The following PDGFC variants were observed in gnomAD, a reference collection of about 807,000 sequenced individuals.
PDGFC encodes platelet derived growth factor C.
A neutral mutation model predicts 35.5 loss-of-function variants in PDGFC; 12 were observed. That is an observed-to-expected ratio of 0.34 (90% confidence interval 0.22 to 0.55). PDGFC has a LOEUF of 0.55. PDGFC is among the 20% of genes least tolerant of loss of function. The pLI is 0.91. For missense variants in PDGFC, 322 were observed against 412.4 expected (o/e 0.78, Z 1.90); for synonymous variants, 159 against 148.8 (o/e 1.07, Z -0.50).
chr4:156,828,987 A>G (rs548581891), intron 2 of PDGFC, among the ~76,000 whole-genome samples: 1 of 152,324 alleles, frequency 6.6e-6, no homozygotes, highest in South Asian at 2.1e-4. Context: ...AAACTATTTA[A>G]TGGAAATTTA....
At chr4:156,927,692 C>T (rs1231722746) in intron 1 of PDGFC, among the ~76,000 whole-genome samples, 1 of 152,144 alleles carries the variant, frequency 6.6e-6, no homozygotes. Context: ...TCACTATCAG[C>T]ATTTTGGCCA....
At chr4:156,816,747 T>A (rs779997246) in intron 2 of PDGFC, among the ~76,000 whole-genome samples, 1 of 152,206 alleles carries the variant, frequency 6.6e-6, no homozygotes, top group Non-Finnish European at 1.5e-5. Context: ...TTGCTTATTA[T>A]ATTTAAAATA....
At chr4:156,929,915 C>T (rs1279681690) in intron 1 of PDGFC, among the ~76,000 whole-genome samples, 1 of 152,020 alleles carries the variant, frequency 6.6e-6, no homozygotes, top group Non-Finnish European at 1.5e-5. Context: ...GCTCAAAGGC[C>T]CACACAAGTA....
intron 2 of PDGFC, among the ~76,000 whole-genome samples, chr4:156,830,263 AC>A (rs1186940295): frequency 6.6e-6 from 1 of 151,608 alleles, no homozygotes; most frequent in African/African-American, 2.4e-5. Context: ...AAAAAAAAAA[AC>A]TTCATGTCCT....
intron 3 of PDGFC, among the ~76,000 whole-genome samples, chr4:156,804,401 G>A (rs547027571): frequency 6.6e-6 from 1 of 152,070 alleles, no homozygotes; most frequent in African/African-American, 2.4e-5. Flanking sequence ...TTTTTAATAT[G>A]CTCTTGAGAG....
intron 3 of PDGFC, among the ~76,000 whole-genome samples, chr4:156,773,247 C>A (rs553582994): frequency 6.6e-6 from 1 of 152,182 alleles, no homozygotes; most frequent in Non-Finnish European, 1.5e-5. Flanking sequence ...TTTTCATTTT[C>A]CTTAATCTGA....
chr4:156,809,217 T>G (rs561960515), intron 3 of PDGFC, among the ~76,000 whole-genome samples: 1 of 152,008 alleles, frequency 6.6e-6, no homozygotes, highest in African/African-American at 2.4e-5. Flanking sequence ...TTACCAATCA[T>G]TGTTAAATGA....
chr4:156,835,213 T>G (rs986953131), intron 2 of PDGFC, among the ~76,000 whole-genome samples: 2 of 152,052 alleles, frequency 1.3e-5, no homozygotes, highest in African/African-American at 4.8e-5. Context: ...ATCAGAGAAA[T>G]GCAAATGAAA....
intron 1 of PDGFC, among the ~76,000 whole-genome samples, chr4:156,874,897 T>C (rs1730075176): frequency 6.6e-6 from 1 of 151,882 alleles, no homozygotes; most frequent in African/African-American, 2.4e-5. Context: ...TTGTATTTTT[T>C]TGTAGAGAAG....
chr4:156,935,044 G>GGAGT (rs1193086780), intron 1 of PDGFC, among the ~76,000 whole-genome samples: 1 of 152,156 alleles, frequency 6.6e-6, no homozygotes, highest in Non-Finnish European at 1.5e-5. Flanking sequence ...TCCCCAGGAT[G>GGAGT]GAGTGCAGTG....
At chr4:156,919,379 A>G (rs926974741) in intron 1 of PDGFC, among the ~76,000 whole-genome samples, 6 of 152,202 alleles carry the variant, frequency 3.9e-5, no homozygotes, top group Admixed American at 1.3e-4. Flanking sequence ...GGCAGTACAA[A>G]TAACTTATCT....
At chr4:156,841,054 C>A (rs780151978) in intron 2 of PDGFC, among the ~76,000 whole-genome samples, 19 of 145,912 alleles carry the variant, frequency 1.3e-4, no homozygotes, top group Non-Finnish European at 1.9e-4. Context: ...TGGACTTGGA[C>A]TTTTGGGTTA....
intron 2 of PDGFC, among the ~76,000 whole-genome samples, chr4:156,846,202 A>T (rs9993017): frequency 0.06 from 9,036 of 151,834 alleles, 888 homozygotes; most frequent in African/African-American, 0.21. Context: ...TATCCCCATA[A>T]ATCACATTAA....
chr4:156,955,315 C>T (rs1282619641), intron 1 of PDGFC, among the ~76,000 whole-genome samples: 1 of 151,918 alleles, frequency 6.6e-6, no homozygotes, highest in African/African-American at 2.4e-5. Flanking sequence ...TTACAATCAT[C>T]CTGAAGTACC....
At chr4:156,824,904 T>A (rs1156985990) in intron 2 of PDGFC, among the ~76,000 whole-genome samples, 1 of 152,204 alleles carries the variant, frequency 6.6e-6, no homozygotes, top group African/African-American at 2.4e-5. Context: ...CCCTGTGGTA[T>A]GTGGCTGTCT....
intron 2 of PDGFC, among the ~76,000 whole-genome samples, chr4:156,822,692 T>C (rs1420756954): frequency 6.6e-6 from 1 of 152,140 alleles, no homozygotes; most frequent in Admixed American, 6.5e-5. Flanking sequence ...GGAAAACTCA[T>C]ATAGGTAAGG....
chr4:156,770,696 G>A (rs1730671818), intron 4 of PDGFC: 1 of 151,970 alleles, frequency 6.6e-6, no homozygotes, highest in Admixed American at 6.6e-5. Flanking sequence ...TGCAGATTTT[G>A]AGCACATCAC....
intron 1 of PDGFC, among the ~76,000 whole-genome samples, chr4:156,923,505 G>A (rs1219169384): frequency 6.6e-6 from 1 of 152,018 alleles, no homozygotes; most frequent in African/African-American, 2.4e-5. Context: ...TAAAACTAAA[G>A]GAAATGTTGT....
intron 1 of PDGFC, among the ~76,000 whole-genome samples, chr4:156,955,516 TA>T (rs1732186920): frequency 6.6e-6 from 1 of 152,018 alleles, no homozygotes. Flanking sequence ...ATTCAGTTTT[TA>T]ATTGTCAGCT....
Sources: gnomAD v4.1 joint callset for allele counts (sites outside exome capture counted in the v4.1 genomes callset) on GRCh38, gnomAD v4.1.1 for gene constraint, MANE v1.5 for transcripts, NCBI Gene and HGNC (gene_info 2026-07-23, HGNC 2026-07-21) for gene names.